Variants in AKT3 observed in about 807,000 individuals in gnomAD.
The protein encoded by AKT3 is AKT serine/threonine kinase 3.
A neutral mutation model predicts 65.3 loss-of-function variants in AKT3; 15 were observed. The ratio of observed to expected loss-of-function variants is 0.23; its 90% CI spans 0.15 to 0.35. The LOEUF is 0.35. Ranked by LOEUF, AKT3 falls within the 10% of genes least tolerant of loss-of-function variation. The pLI is 1.00. For synonymous variants in AKT3, 206 were observed against 183.8 expected, an observed-to-expected ratio of 1.12 and a Z score of -0.98; for missense variants, 243 against 576.5, an observed-to-expected ratio of 0.42 and a Z score of 5.92.
intron 12 of AKT3, among the ~76,000 whole-genome samples, chr1:243,536,232 A>C (rs1373731000): frequency 6.6e-6 from 1 of 152,026 alleles, no homozygotes; most frequent in Non-Finnish European, 1.5e-5. Context: ...AGTTTAATTA[A>C]GCCCCATTTA....
intron 2 of AKT3, chr1:243,740,806 T>C (rs146447374): frequency 6.6e-6 from 1 of 152,312 alleles, no homozygotes; most frequent in East Asian, 1.9e-4. Flanking sequence ...ACTTTTATCA[T>C]TAGTAGGTAC....
At chr1:243,596,514 G>A (rs115741547) in intron 8 of AKT3, among the ~76,000 whole-genome samples, 2,084 of 152,196 alleles carry the variant, frequency 0.014, 27 homozygotes, top group Admixed American at 0.042. Context: ...TAAGAGAAAC[G>A]CAACTTAAAA....
At chr1:243,728,807 C>G (rs1470963271) in intron 2 of AKT3, among the ~76,000 whole-genome samples, 1 of 152,048 alleles carries the variant, frequency 6.6e-6, no homozygotes, top group Non-Finnish European at 1.5e-5. Context: ...GCCAGACATC[C>G]CAGAAGAGGT....
intron 8 of AKT3, among the ~76,000 whole-genome samples, chr1:243,601,592 A>T (rs896471249): frequency 1.9e-4 from 29 of 152,192 alleles, no homozygotes; most frequent in Non-Finnish European, 3.8e-4. Flanking sequence ...AAAAATATAT[A>T]TTCACACACA....
intron 12 of AKT3, among the ~76,000 whole-genome samples, chr1:243,524,285 G>A (rs112538748): frequency 5.3e-5 from 8 of 152,288 alleles, no homozygotes; most frequent in African/African-American, 1.9e-4. Flanking sequence ...ATTCACAGGA[G>A]GTTCTTTGGT....
At chr1:243,640,357 T>C (rs1253671095) in intron 5 of AKT3, among the ~76,000 whole-genome samples, 2 of 152,220 alleles carry the variant, frequency 1.3e-5, no homozygotes, top group Admixed American at 6.5e-5. Context: ...CATTTCTCCC[T>C]GTATGCACAT....
chr1:243,816,052 G>A (rs1198300430), intron 2 of AKT3, among the ~76,000 whole-genome samples: 1 of 152,168 alleles, frequency 6.6e-6, no homozygotes, highest in Non-Finnish European at 1.5e-5. Flanking sequence ...TCATGAAATT[G>A]CAGACAATAT....
At chr1:243,608,531 C>A (rs1330019889) in intron 8 of AKT3, among the ~76,000 whole-genome samples, 2 of 152,074 alleles carry the variant, frequency 1.3e-5, no homozygotes, top group Non-Finnish European at 2.9e-5. Context: ...GTATTATGAA[C>A]TTACCAGAGC....
In AKT3 at chr1:243,505,166, G is replaced by T; in HGVS notation, c.*83C>A. On this transcript the variant is annotated 3_prime_UTR_variant, in exon 14 of 14. Coordinates refer to ENST00000673466, the MANE Select transcript of AKT3 (RefSeq NM_005465.7). Reference sequence around the variant, plus strand: ...ATGTCGGAAGGTGCCCCTGCTATGTGTAAGAGCTAGGACTGGTGATGTCCA... The same window carrying T: ...ATGTCGGAAGGTGCCCCTGCTATGTTTAAGAGCTAGGACTGGTGATGTCCA... 1 of 1,333,774 alleles carries T rather than the reference G, an allele frequency of 7.5e-7. No individual in the cohort carries two copies. The highest frequency in any genetic ancestry group is 1.1e-6 in the Non-Finnish European group (1 of 937,028). The allele number at this position is 1,333,774 out of a possible 1,614,324, so 82.6% of individuals were successfully genotyped here.
chr1:243,643,794 T>G (rs1680613246), intron 5 of AKT3, among the ~76,000 whole-genome samples: 2 of 152,248 alleles, frequency 1.3e-5, no homozygotes, highest in South Asian at 4.1e-4. Flanking sequence ...AAGAAGGAAA[T>G]GTATCCTATA....
chr1:243,519,016 G>C (rs767159431), intron 12 of AKT3, among the ~76,000 whole-genome samples: 1 of 152,208 alleles, frequency 6.6e-6, no homozygotes, highest in Non-Finnish European at 1.5e-5. Flanking sequence ...GTTATGGGAA[G>C]TATGCCCCAA....
chr1:243,774,835 A>G (rs1690441825), intron 2 of AKT3, among the ~76,000 whole-genome samples: 1 of 152,188 alleles, frequency 6.6e-6, no homozygotes, highest in African/African-American at 2.4e-5. Flanking sequence ...CACCAAGACA[A>G]TGTAATGTCC....
At chr1:243,748,175 G>A (rs1688594760) in intron 2 of AKT3, among the ~76,000 whole-genome samples, 1 of 152,088 alleles carries the variant, frequency 6.6e-6, no homozygotes, top group South Asian at 2.1e-4. Flanking sequence ...GGTTTTTTGT[G>A]TTTTAATATT....
chr1:243,724,389 T>C (rs1301240488), intron 2 of AKT3, among the ~76,000 whole-genome samples: 2 of 152,212 alleles, frequency 1.3e-5, no homozygotes, highest in Non-Finnish European at 2.9e-5. Flanking sequence ...ATTAGAGAAC[T>C]ATTAGGTGAG....
intron 12 of AKT3, among the ~76,000 whole-genome samples, chr1:243,537,239 C>G (rs1671997334): frequency 6.6e-6 from 1 of 152,080 alleles, no homozygotes; most frequent in African/African-American, 2.4e-5. Context: ...ACTTCCCTTT[C>G]AAATTTTCTC....
At chr1:243,660,174 T>C (rs1182899623) in intron 4 of AKT3, among the ~76,000 whole-genome samples, 2 of 152,036 alleles carry the variant, frequency 1.3e-5, no homozygotes, top group East Asian at 1.9e-4. Context: ...TATTGGTCTA[T>C]TCAGAGATTC....
intron 2 of AKT3, among the ~76,000 whole-genome samples, chr1:243,819,804 C>A (rs1162804344): frequency 6.6e-6 from 1 of 152,220 alleles, no homozygotes; most frequent in Non-Finnish European, 1.5e-5. Context: ...AGGCAGCCAT[C>A]TTTGCTGTTC....
At chr1:243,566,778 C>A (rs977166925) in intron 9 of AKT3, among the ~76,000 whole-genome samples, 1 of 151,998 alleles carries the variant, frequency 6.6e-6, no homozygotes, top group Admixed American at 6.6e-5. Context: ...CTTAACATAC[C>A]ATAAGAATTG....
At chr1:243,499,713 A>G, downstream of AKT3, 1 of 1,469,924 alleles carries the variant, frequency 6.8e-7, no homozygotes, top group Non-Finnish European at 9.5e-7. Flanking sequence ...ATAACATTGA[A>G]GAACATGAGC....
Sources: allele counts gnomAD v4.1 joint callset (sites outside exome capture counted in the v4.1 genomes callset), GRCh38; gene constraint gnomAD v4.1.1; transcripts MANE v1.5; gene names NCBI Gene and HGNC (gene_info 2026-07-23, HGNC 2026-07-21).